Variants in FRMPD4 observed in about 807,000 individuals in gnomAD.
FRMPD4 encodes the protein FERM and PDZ domain containing 4.
A neutral mutation model predicts 94.1 loss-of-function variants in FRMPD4; 22 were observed. The ratio of observed to expected loss-of-function variants is 0.23; its 90% CI spans 0.17 to 0.33. The LOEUF (loss-of-function observed/expected upper bound fraction) is 0.33. Among genes scored for constraint, FRMPD4 ranks in the 10% least tolerant of loss-of-function variants. FRMPD4 has a pLI of 1.00. For synonymous variants in FRMPD4, 631 were observed against 548.6 expected (o/e 1.15, Z -2.10); for missense variants, 1,111 against 1,339.9 (o/e 0.83, Z 2.67).
intron 1 of FRMPD4, among the ~76,000 whole-genome samples, chrX:12,413,793 T>C (rs1008933581): frequency 2.7e-5 from 3 of 112,596 alleles, no homozygotes; most frequent in African/African-American, 6.5e-5. Flanking sequence ...GAGGACCTGG[T>C]GTGCCTACCA....
intron 1 of FRMPD4, among the ~76,000 whole-genome samples, chrX:12,466,929 A>G (rs2057455764): frequency 1.8e-5 from 2 of 111,861 alleles, no homozygotes; most frequent in South Asian, 7.6e-4. Context: ...GTATGAACTA[A>G]CTCATATTTG....
chrX:12,604,518 T>C (rs374317619), intron 2 of FRMPD4, among the ~76,000 whole-genome samples: 1 of 112,134 alleles, frequency 8.9e-6, no homozygotes, highest in East Asian at 2.8e-4. Context: ...TTGTGAGGCA[T>C]TTTACTAAGA....
At chrX:12,604,701 G>C (rs2059114441) in intron 2 of FRMPD4, among the ~76,000 whole-genome samples, 1 of 111,718 alleles carries the variant, frequency 9.0e-6, no homozygotes, top group South Asian at 3.8e-4. Flanking sequence ...TACATGTGTA[G>C]GTTTGTTACA....
intron 3 of FRMPD4, among the ~76,000 whole-genome samples, chrX:12,128,705 C>T (rs2055522109): frequency 8.9e-6 from 1 of 112,098 alleles, no homozygotes; most frequent in Non-Finnish European, 1.9e-5. Context: ...ACATAAATCC[C>T]AATTCCAAAT....
At chrX:12,085,346 T>C (rs1195299994) in intron 3 of FRMPD4, among the ~76,000 whole-genome samples, 1 of 111,978 alleles carries the variant, frequency 8.9e-6, no homozygotes, top group East Asian at 2.8e-4. Flanking sequence ...GATCTGATTG[T>C]ATTATGAATA....
rs2054174540 is a variant in FRMPD4 at position 11,943,708 on chromosome X, T to C, written c.95+65690T>C. 2.7e-5 allele frequency among the ~76,000 whole-genome samples: 3 copies of C among 112,159 alleles called. No homozygotes were observed. The Admixed American group carries it at 2.8e-4, about 11-fold the overall frequency. ...TTGTGGATTATTTCCAACAAGTGAA[T>C]TTTGGGAGACAATGCTATTTATTTT... On this transcript the variant is annotated intron_variant, in intron 3 of 18. Transcript: ENST00000640291.
At chrX:12,110,385 A>G (rs979889569) in intron 3 of FRMPD4, among the ~76,000 whole-genome samples, 2 of 112,218 alleles carry the variant, frequency 1.8e-5, no homozygotes, top group East Asian at 5.6e-4. Context: ...CAGGCTAAAA[A>G]CTCACAATAA....
rs755484051 is a variant in FRMPD4 at position 12,716,887 on chromosome X, C to G, written c.2428C>G (p.Pro810Ala). ...LRSLNMAIAA[P>A]PPGFRDSSDE... ...TTCCTTGAACATGGCCATTGCCGCA[C>G]CCCCACCTGGCTTTAGAGACAGTTC... The change falls in exon 15 of 17, where the codon CCC (proline) becomes GCC (alanine). Residue 810 changes from proline (P) to alanine (A), a missense_variant. This residue lies in a region of FRMPD4 where 74 missense variants were observed against 93.9 expected (regional missense o/e 0.79). Coordinates refer to ENST00000675598, the MANE Select transcript of FRMPD4 (RefSeq NM_001368397.1). 5.4e-5 allele frequency: 65 copies of G among 1,209,191 alleles called. No homozygotes were observed. The highest frequency in any genetic ancestry group is 7.3e-5 in the Non-Finnish European group (65 of 894,284).
intron 2 of FRMPD4, among the ~76,000 whole-genome samples, chrX:11,867,149 A>G (rs763563363): frequency 5.4e-4 from 60 of 111,818 alleles, no homozygotes; most frequent in African/African-American, 1.9e-3. Context: ...ATGTCCATAT[A>G]TGCATATCTG....
chrX:12,244,834 G>A (rs1301273369), intron 1 of FRMPD4, among the ~76,000 whole-genome samples: 3 of 111,978 alleles, frequency 2.7e-5, no homozygotes, highest in Non-Finnish European at 5.6e-5. Context: ...GGTGGACAGA[G>A]CTGAGATGCC....
At chrX:12,053,426 GAAAGAGAA>G (rs1480253990) in intron 3 of FRMPD4, among the ~76,000 whole-genome samples, 15 of 93,164 alleles carry the variant, frequency 1.6e-4, no homozygotes, top group African/African-American at 2.4e-4. Context: ...AAGAAAGAAA[GAAAGAGAA>G]AGAAAGAAGA....
intron 7 of FRMPD4, among the ~76,000 whole-genome samples, chrX:12,689,181 C>T (rs2060058101): frequency 9.0e-6 from 1 of 111,560 alleles, no homozygotes; most frequent in South Asian, 3.8e-4. Context: ...TACCAGTTTT[C>T]AAGTACATGA....
chrX:12,269,281 G>A (rs1481010422), intron 1 of FRMPD4, among the ~76,000 whole-genome samples: 2 of 110,660 alleles, frequency 1.8e-5, no homozygotes, highest in East Asian at 2.8e-4. Flanking sequence ...AAACCACACC[G>A]CTTGGCTCAT....
chrX:12,160,575 C>G (rs1454968270), intron 1 of FRMPD4, among the ~76,000 whole-genome samples: 1 of 111,865 alleles, frequency 8.9e-6, no homozygotes, highest in African/African-American at 3.3e-5. Flanking sequence ...TGGTAATCAA[C>G]ACAACTCATA....
rs1345350072 is a variant in FRMPD4 at position 12,718,180 on chromosome X, T to G, written c.3354T>G (p.Ala1118=). Residue 1118 remains alanine, a synonymous_variant, in exon 16 of 17, where the codon GCT becomes GCG. Transcript: ENST00000675598. ...CAACAGGGAAAACCTTTCCAAGAGCTTCTGGTCTTGGGGCAAGGGAGGCCG... is the reference window on the plus strand; with the variant it reads ...CAACAGGGAAAACCTTTCCAAGAGCGTCTGGTCTTGGGGCAAGGGAGGCCG... ...EAATGKTFPR[A]SGLGAREAEG... 14 of 1,210,677 alleles carry G rather than the reference T, an allele frequency of 1.2e-5. No individual in the cohort carries two copies. Among genetic ancestry groups the G allele is most frequent in the Non-Finnish European group, 1.6e-5 (14 of 894,443 alleles).
At chrX:12,207,156 G>T (rs982786236) in intron 1 of FRMPD4, among the ~76,000 whole-genome samples, 2 of 111,755 alleles carry the variant, frequency 1.8e-5, no homozygotes, top group Admixed American at 1.9e-4. Flanking sequence ...TAGGGAGAGA[G>T]CTATACCTTG....
chrX:12,501,307 T>C (rs1162975572), intron 2 of FRMPD4, among the ~76,000 whole-genome samples: 1 of 112,802 alleles, frequency 8.9e-6, no homozygotes, highest in East Asian at 2.7e-4. Flanking sequence ...GGTTTCATTT[T>C]ACTTGAAAAG....
intron 4 of FRMPD4, among the ~76,000 whole-genome samples, chrX:12,654,218 T>C (rs1434334061): frequency 8.9e-6 from 1 of 112,368 alleles, no homozygotes; most frequent in Non-Finnish European, 1.9e-5. Flanking sequence ...CTAACTCCCT[T>C]GCCCATACCA....
At chrX:11,991,961 T>C (rs1166475406) in intron 3 of FRMPD4, among the ~76,000 whole-genome samples, 3 of 111,760 alleles carry the variant, frequency 2.7e-5, no homozygotes, top group Non-Finnish European at 1.9e-5. Context: ...GACTGGCCAA[T>C]TGTAATTGCA....
Sources: allele counts gnomAD v4.1 joint callset (sites outside exome capture counted in the v4.1 genomes callset), GRCh38; gene constraint gnomAD v4.1.1; regional missense constraint gnomAD v4.1.1; transcripts MANE v1.5; gene names NCBI Gene and HGNC (gene_info 2026-07-23, HGNC 2026-07-21).